THSD4: variants seen among roughly 807,000 people sequenced by gnomAD.
The protein encoded by THSD4 is thrombospondin type-1 domain-containing protein 4.
A neutral mutation model predicts 119.0 loss-of-function variants in THSD4; 69 were observed. The observed-to-expected ratio is 0.58, with a 90% confidence interval of 0.48 to 0.71. The LOEUF (loss-of-function observed/expected upper bound fraction) is 0.71, where lower values mean the gene tolerates loss of function less well. THSD4 is among the 30% of genes least tolerant of loss of function. THSD4 has a pLI of 0.00. For missense variants in THSD4, 1,393 were observed against 1,391.1 expected (o/e 1.00, Z -0.02); for synonymous variants, 524 against 540.4 (o/e 0.97, Z 0.42).
intron 8 of THSD4, among the ~76,000 whole-genome samples, chr15:71,663,738 T>G (rs1164490554): frequency 6.6e-6 from 1 of 152,230 alleles, no homozygotes; most frequent in African/African-American, 2.4e-5. Context: ...TTTTACATTG[T>G]ACATTGTCAA....
chr15:71,663,154 A>T (rs146192114), intron 8 of THSD4, among the ~76,000 whole-genome samples: 1 of 152,284 alleles, frequency 6.6e-6, no homozygotes, highest in South Asian at 2.1e-4. Context: ...TGGGAGGCTT[A>T]GGCATGAGGA....
At chr15:71,756,839 C>T (rs1325287621) in intron 14 of THSD4, among the ~76,000 whole-genome samples, 1 of 152,156 alleles carries the variant, frequency 6.6e-6, no homozygotes, top group African/African-American at 2.4e-5. Flanking sequence ...CACATTCCAA[C>T]GTATGGCAAG....
intron 6 of THSD4, among the ~76,000 whole-genome samples, chr15:71,274,253 A>G (rs1292841199): frequency 2.0e-5 from 3 of 152,240 alleles, no homozygotes; most frequent in Admixed American, 6.5e-5. Flanking sequence ...TGGCTCATCA[A>G]CTGTCATTTC....
At chr15:71,351,038 C>T (rs1596358404) in intron 6 of THSD4, among the ~76,000 whole-genome samples, 1 of 152,180 alleles carries the variant, frequency 6.6e-6, no homozygotes, top group East Asian at 1.9e-4. Context: ...GTACCGATGA[C>T]CTCTGCTTGG....
At chr15:71,134,135 G>C (rs1038798646) in intron 1 of THSD4, among the ~76,000 whole-genome samples, 19 of 152,208 alleles carry the variant, frequency 1.2e-4, no homozygotes, top group African/African-American at 4.6e-4. Context: ...GCTGAGTTTG[G>C]ATATGACAGG....
chr15:71,240,279 C>G (rs540284203), intron 4 of THSD4, among the ~76,000 whole-genome samples: 1 of 152,154 alleles, frequency 6.6e-6, no homozygotes, highest in Non-Finnish European at 1.5e-5. Context: ...CAGCCTGTCC[C>G]GGGCCAGCAG....
chr15:71,724,285 A>ATTT (rs1448681867), intron 8 of THSD4, among the ~76,000 whole-genome samples: 2 of 20,338 alleles, frequency 9.8e-5, no homozygotes, highest in African/African-American at 1.8e-4. Context: ...ATATATATAT[A>ATTT]TATTTTTTTT....
At chr15:71,632,297 G>A (rs2050647574) in intron 7 of THSD4, among the ~76,000 whole-genome samples, 1 of 152,142 alleles carries the variant, frequency 6.6e-6, no homozygotes, top group South Asian at 2.1e-4. Context: ...GGTTGAAAAG[G>A]AGAGACCTTT....
intron 7 of THSD4, among the ~76,000 whole-genome samples, chr15:71,557,908 T>TA (rs1295234256): frequency 6.6e-6 from 1 of 152,310 alleles, no homozygotes; most frequent in South Asian, 2.1e-4. Context: ...CTAATCTTCA[T>TA]AAAAAAATCA....
chr15:71,406,610 C>T (rs769374142), intron 6 of THSD4, among the ~76,000 whole-genome samples: 46 of 149,966 alleles, frequency 3.1e-4, no homozygotes, highest in Admixed American at 8.6e-4. Flanking sequence ...GTATTATTGT[C>T]TATTTCTTCT....
chr15:71,723,623 A>G (rs2052764356), intron 8 of THSD4, among the ~76,000 whole-genome samples: 1 of 152,250 alleles, frequency 6.6e-6, no homozygotes, highest in African/African-American at 2.4e-5. Flanking sequence ...ACATTGATCA[A>G]ATAATTCTCT....
chr15:71,614,718 T>C (rs1354604400), intron 7 of THSD4, among the ~76,000 whole-genome samples: 1 of 152,204 alleles, frequency 6.6e-6, no homozygotes, highest in Non-Finnish European at 1.5e-5. Context: ...TGGTAGAGGA[T>C]TCCAAAGAAA....
chr15:71,734,663 T>A (rs77419449), intron 10 of THSD4, among the ~76,000 whole-genome samples: 2 of 152,250 alleles, frequency 1.3e-5, no homozygotes, highest in Non-Finnish European at 2.9e-5. Context: ...AATAATGACA[T>A]GTCCGTGTAG....
At chr15:71,562,270 A>G (rs922075113) in intron 7 of THSD4, among the ~76,000 whole-genome samples, 1 of 152,152 alleles carries the variant, frequency 6.6e-6, no homozygotes, top group Non-Finnish European at 1.5e-5. Flanking sequence ...AATGTGTTCA[A>G]AGCTATTTGT....
intron 17 of THSD4, among the ~76,000 whole-genome samples, chr15:71,772,236 A>G (rs544935752): frequency 4.9e-4 from 75 of 152,306 alleles, no homozygotes; most frequent in Non-Finnish European, 8.2e-4. Context: ...GTTTTAATAT[A>G]CTGACCTAAC....
At chr15:71,229,011 A>G (rs2044154) in intron 4 of THSD4, among the ~76,000 whole-genome samples, 149,750 of 152,326 alleles carry the variant, frequency 0.98, 73,666 homozygotes, top group East Asian at 1. Context: ...AATTTTTCCC[A>G]TTTTCCAGTA....
In THSD4 at chr15:71,586,241, C is replaced by T. The variant is rs1387552746; in HGVS notation, c.1153-74289C>T. On this transcript the variant is annotated intron_variant, in intron 7 of 17. Coordinates refer to ENST00000261862, the MANE Select transcript of THSD4 (RefSeq NM_024817.3). ...ACTTTCTCTTGGCTGATGGGACTAT[C>T]TCTGGGATCATATTCTACTATCTTG... Among the ~76,000 whole-genome samples the T allele has an allele frequency of 2.6e-5, 4 of 152,142 alleles. No individual in the cohort carries two copies. The East Asian group carries it at 7.7e-4, about 29-fold the overall frequency.
intron 7 of THSD4, among the ~76,000 whole-genome samples, chr15:71,579,290 A>G (rs12439758): frequency 6.6e-6 from 1 of 152,070 alleles, no homozygotes; most frequent in Non-Finnish European, 1.5e-5. Context: ...TACAGTAGCT[A>G]TTGTTAACTT....
At chr15:71,623,853 G>A (rs995424221) in intron 7 of THSD4, among the ~76,000 whole-genome samples, 2 of 151,738 alleles carry the variant, frequency 1.3e-5, no homozygotes, top group Non-Finnish European at 2.9e-5. Context: ...AACCTGGGAG[G>A]TGGAGGTTGC....
Sources: gnomAD v4.1 joint callset for allele counts (sites outside exome capture counted in the v4.1 genomes callset) on GRCh38, gnomAD v4.1.1 for gene constraint, MANE v1.5 for transcripts, NCBI Gene and HGNC (gene_info 2026-07-23, HGNC 2026-07-21) for gene names.